The following TENM4 variants were observed in gnomAD, a reference collection of about 807,000 sequenced individuals.
TENM4 encodes the protein teneurin transmembrane protein 4, also known as teneurin-4.
A neutral mutation model predicts 243.3 loss-of-function variants in TENM4; 82 were observed. The ratio of observed to expected loss-of-function variants is 0.34; its 90% CI spans 0.28 to 0.40. The LOEUF (loss-of-function observed/expected upper bound fraction) is 0.40, where lower values mean the gene tolerates loss of function less well. Among genes scored for constraint, TENM4 ranks in the 10% least tolerant of loss-of-function variants. The pLI, the probability that TENM4 is intolerant of heterozygous loss-of-function variation, is 1.00. For synonymous variants in TENM4, 1,412 were observed against 1,456.3 expected (o/e 0.97, Z 0.69); for missense variants, 3,138 against 3,673.3 (o/e 0.85, Z 3.77).
chr11:79,344,660 T>C (rs1857298317), intron 1 of TENM4, among the ~76,000 whole-genome samples: 1 of 152,224 alleles, frequency 6.6e-6, no homozygotes, highest in Admixed American at 6.5e-5. Context: ...TTCTTCCATC[T>C]CATGCTGGGC....
rs539991804 is a variant in TENM4, at chr11:78,684,630, A to G, written c.5260+3424T>C. Among the ~76,000 whole-genome samples, 4 of 152,330 alleles carry G rather than the reference A, an allele frequency of 2.6e-5. No individual in the cohort carries two copies. In the East Asian group the frequency reaches 7.7e-4, roughly 29 times the overall value. ...CCCCTTGTCTTTAGATTGGCAGTTA[A>G]GAGAATAGGTTCTATAGAGCCTGTT... On this transcript the variant is annotated intron_variant, in intron 29 of 33. Coordinates refer to ENST00000278550, the MANE Select transcript of TENM4 (RefSeq NM_001098816.3).
At chr11:79,283,253 T>A (rs1856191116) in intron 2 of TENM4, among the ~76,000 whole-genome samples, 1 of 138,936 alleles carries the variant, frequency 7.2e-6, no homozygotes, top group Non-Finnish European at 1.6e-5. Context: ...CACACACAAG[T>A]ACAGATGAAT....
At chr11:78,969,982 A>G (rs1857507791) in intron 6 of TENM4, among the ~76,000 whole-genome samples, 2 of 152,368 alleles carry the variant, frequency 1.3e-5, no homozygotes, top group Middle Eastern at 6.8e-3. Flanking sequence ...TAGTTTCTTC[A>G]CTTAAAACCA....
chr11:78,737,207 A>G (rs866454540), intron 20 of TENM4, among the ~76,000 whole-genome samples: 1 of 152,224 alleles, frequency 6.6e-6, no homozygotes, highest in African/African-American at 2.4e-5. Flanking sequence ...TGCCACTTTC[A>G]TACAGCAGGC....
At chr11:78,913,088 T>G (rs1220855033) in intron 6 of TENM4, among the ~76,000 whole-genome samples, 1 of 152,224 alleles carries the variant, frequency 6.6e-6, no homozygotes, top group Admixed American at 6.5e-5. Context: ...TTAATGAACA[T>G]CTGCTTACAA....
chr11:79,087,539 G>T (rs574140337), intron 4 of TENM4, among the ~76,000 whole-genome samples: 2 of 152,312 alleles, frequency 1.3e-5, no homozygotes, highest in African/African-American at 4.8e-5. Context: ...TCCCTACAAG[G>T]CTTCCAAATC....
intron 6 of TENM4, among the ~76,000 whole-genome samples, chr11:78,984,320 T>A (rs1454490285): frequency 6.6e-6 from 1 of 152,188 alleles, no homozygotes; most frequent in Non-Finnish European, 1.5e-5. Context: ...CAGTAAATGT[T>A]AATTCCCCCT....
intron 4 of TENM4, among the ~76,000 whole-genome samples, chr11:79,074,477 C>A (rs1860488115): frequency 6.6e-6 from 1 of 152,200 alleles, no homozygotes; most frequent in African/African-American, 2.4e-5. Flanking sequence ...CCTTACCCAC[C>A]AACCTCTGGG....
Position 79,192,164 on chromosome 11 carries a change from G to C in TENM4, c.-163+23644C>G, listed in dbSNP as rs1186530323. On this transcript the variant is annotated intron_variant, in intron 3 of 33. Transcript: ENST00000278550. Reference sequence around the variant, plus strand: ...AGGTGGGGGGGTCAGCCCCCTGCCCGGCCAGCTGCCCGGTCTGGGAGCTGA... The same window carrying C: ...AGGTGGGGGGGTCAGCCCCCTGCCCCGCCAGCTGCCCGGTCTGGGAGCTGA... 1.5e-4 allele frequency among the ~76,000 whole-genome samples: 23 copies of C among 148,936 alleles called. No individual in the cohort carries two copies. In the South Asian group the frequency reaches 4.9e-3, roughly 32 times the overall value.
intron 4 of TENM4, among the ~76,000 whole-genome samples, chr11:79,116,900 A>G (rs1861633337): frequency 6.6e-6 from 1 of 152,200 alleles, no homozygotes; most frequent in African/African-American, 2.4e-5. Flanking sequence ...GGTGTATAAC[A>G]TGCTTAGCAT....
At chr11:78,972,278 C>A (rs1055060081) in intron 6 of TENM4, among the ~76,000 whole-genome samples, 2 of 152,124 alleles carry the variant, frequency 1.3e-5, no homozygotes, top group African/African-American at 4.8e-5. Flanking sequence ...GTGGGTCTTA[C>A]TCCCCTGGTC....
intron 3 of TENM4, among the ~76,000 whole-genome samples, chr11:79,158,122 G>T (rs1290978954): frequency 1.3e-5 from 2 of 152,200 alleles, no homozygotes; most frequent in African/African-American, 4.8e-5. Flanking sequence ...GCATCCTTGT[G>T]TGTCCCACCT....
intron 4 of TENM4, among the ~76,000 whole-genome samples, chr11:79,113,930 A>G (rs1156349308): frequency 6.6e-6 from 1 of 152,150 alleles, no homozygotes; most frequent in Admixed American, 6.5e-5. Context: ...CCAGACCTTG[A>G]GACTCTTTCC....
intron 4 of TENM4, 120 bp from the exon 5 acceptor site, chr11:79,070,129 G>A: frequency 1.6e-6 from 2 of 1,260,720 alleles, no homozygotes; most frequent in Non-Finnish European, 2.1e-6. Flanking sequence ...TGGAGGAGAG[G>A]GTACCGCTCC....
At chr11:78,833,603 T>C (rs1025613596) in intron 12 of TENM4, among the ~76,000 whole-genome samples, 6 of 152,202 alleles carry the variant, frequency 3.9e-5, no homozygotes, top group African/African-American at 1.4e-4. Context: ...CAGGTTGTTT[T>C]CCAGGCCTGC....
intron 6 of TENM4, among the ~76,000 whole-genome samples, chr11:78,993,973 C>G (rs1858107753): frequency 6.6e-6 from 1 of 151,932 alleles, no homozygotes; most frequent in Non-Finnish European, 1.5e-5. Flanking sequence ...TGTTGTCTTC[C>G]CTAAAAAAAT....
At chr11:79,140,852 G>A (rs1862272969) in intron 4 of TENM4, among the ~76,000 whole-genome samples, 1 of 152,068 alleles carries the variant, frequency 6.6e-6, no homozygotes, top group South Asian at 2.1e-4. Flanking sequence ...GCTGCTCTGA[G>A]GGAAGCTGAT....
At chr11:79,107,855 C>T (rs1172795341) in intron 4 of TENM4, among the ~76,000 whole-genome samples, 3 of 152,156 alleles carry the variant, frequency 2.0e-5, no homozygotes, top group Admixed American at 1.3e-4. Flanking sequence ...CAAGAAGGAC[C>T]CTGGATTGGG....
At chr11:79,384,546 A>G (rs1022160) in intron 1 of TENM4, among the ~76,000 whole-genome samples, 81,083 of 151,306 alleles carry the variant, frequency 0.54, 21,625 homozygotes, top group Non-Finnish European at 0.55. Context: ...TGCTGTATGA[A>G]CATGCACAAA....
Sources: gnomAD v4.1 joint callset for allele counts (sites outside exome capture counted in the v4.1 genomes callset) on GRCh38, gnomAD v4.1.1 for gene constraint, MANE v1.5 for transcripts, NCBI Gene and HGNC (gene_info 2026-07-23, HGNC 2026-07-21) for gene names.